The following TRPS1 variants were observed in gnomAD, a reference collection of about 807,000 sequenced individuals.
TRPS1 encodes transcriptional repressor GATA binding 1.
A neutral mutation model predicts 101.2 loss-of-function variants in TRPS1; 6 were observed. The observed-to-expected ratio is 0.06, with a 90% confidence interval of 0.03 to 0.12. The LOEUF is 0.12. Ranked by LOEUF, TRPS1 falls within the 10% of genes least tolerant of loss-of-function variation. The pLI is 1.00. For synonymous variants in TRPS1, 578 were observed against 589.8 expected (o/e 0.98, Z 0.29); for missense variants, 1,363 against 1,567.0 (o/e 0.87, Z 2.20).
intron 1 of TRPS1, among the ~76,000 whole-genome samples, chr8:115,628,539 T>C (rs1041194572): frequency 1.3e-5 from 2 of 151,692 alleles, no homozygotes; most frequent in Non-Finnish European, 3.0e-5. Flanking sequence ...GAAAGCAACT[T>C]CTCATAATAA....
At chr8:115,456,477 T>G (rs1814027945) in intron 5 of TRPS1, among the ~76,000 whole-genome samples, 1 of 152,184 alleles carries the variant, frequency 6.6e-6, no homozygotes, top group Non-Finnish European at 1.5e-5. Context: ...AAGATATATC[T>G]TCTATATATA....
At chr8:115,551,572 G>A (rs1354109167) in intron 5 of TRPS1, among the ~76,000 whole-genome samples, 2 of 152,056 alleles carry the variant, frequency 1.3e-5, no homozygotes, top group African/African-American at 2.4e-5. Context: ...CATGTTTTAC[G>A]TGCAGAGTAT....
intron 1 of TRPS1, among the ~76,000 whole-genome samples, chr8:115,624,111 T>C (rs1037797830): frequency 5.3e-5 from 8 of 150,708 alleles, no homozygotes; most frequent in Non-Finnish European, 1.0e-4. Flanking sequence ...AATGCTTTTA[T>C]AGGGAAAATC....
chr8:115,569,164 G>C (rs916988375), intron 5 of TRPS1, among the ~76,000 whole-genome samples: 3 of 151,874 alleles, frequency 2.0e-5, no homozygotes, highest in African/African-American at 7.2e-5. Context: ...TCCTGACTTT[G>C]ATTATTTTTT....
At chr8:115,451,651 T>C (rs1813875917) in intron 5 of TRPS1, among the ~76,000 whole-genome samples, 1 of 152,206 alleles carries the variant, frequency 6.6e-6, no homozygotes, top group African/African-American at 2.4e-5. Context: ...TGGGTTAACA[T>C]GTCTTTATGC....
chr8:115,619,114 A>G lies in TRPS1; in HGVS notation c.966+18T>C. The G allele has an allele frequency of 6.2e-7, 1 of 1,613,236 alleles. No individual in the cohort carries two copies. Among genetic ancestry groups the G allele is most frequent in the African/African-American group, 1.3e-5 (1 of 74,998 alleles). ...CTAATAACTTTTTCTGTACAAAGAG[A>G]CAATACAAAGTACAAACCTGCACAT... On this transcript the variant is annotated intron_variant, in intron 3 of 6. Transcript: ENST00000395715.
chr8:115,605,328 T>C (rs1376389618), intron 3 of TRPS1, among the ~76,000 whole-genome samples: 1 of 152,252 alleles, frequency 6.6e-6, no homozygotes, highest in Non-Finnish European at 1.5e-5. Flanking sequence ...ATTTTACTAT[T>C]GCCTCCTTCA....
chr8:115,507,925 G>A (rs1272262877), intron 5 of TRPS1, among the ~76,000 whole-genome samples: 1 of 151,930 alleles, frequency 6.6e-6, no homozygotes, highest in Non-Finnish European at 1.5e-5. Flanking sequence ...GTGCAGAGAA[G>A]AGCTAATCTA....
At chr8:115,524,852 C>T (rs759428142) in intron 5 of TRPS1, among the ~76,000 whole-genome samples, 1 of 152,034 alleles carries the variant, frequency 6.6e-6, no homozygotes, top group Admixed American at 6.6e-5. Context: ...TTTTACATAG[C>T]CAATACCAGT....
intron 5 of TRPS1, among the ~76,000 whole-genome samples, chr8:115,531,815 A>G (rs978233084): frequency 6.6e-6 from 1 of 152,186 alleles, no homozygotes; most frequent in Admixed American, 6.5e-5. Context: ...ATCGCTGAGC[A>G]CAAGTGGAGG....
intron 5 of TRPS1, among the ~76,000 whole-genome samples, chr8:115,516,666 A>C (rs926836104): frequency 4.0e-5 from 6 of 151,618 alleles, no homozygotes; most frequent in Non-Finnish European, 5.9e-5. Context: ...ATTTTCATAC[A>C]CATTTTGTCA....
Position 115,415,066 on chromosome 8 carries a change from T to C in TRPS1, c.2842A>G (p.Ile948Val). Residue 948 changes from isoleucine (I) to valine (V), a missense_variant, in exon 7 of 7, where the codon ATC (isoleucine) becomes GTC (valine). Around this residue, in one of 5 missense-constraint regions of TRPS1, gnomAD observed 12 missense variants for 28.0 expected, o/e 0.43. Transcript: ENST00000395715. The part of the protein sequence containing the change: ...KLHSTPRPLN[I>V]IKQNNGEQII... ...TGCTCACCGTTGTTTTGTTTAATGA[T>C]GTTTAAAGGCCTGGGAGTCTGCAGA... The C allele has an allele frequency of 1.3e-6, 2 of 1,596,482 alleles. No individual in the cohort carries two copies. Among genetic ancestry groups the C allele is most frequent in the Non-Finnish European group, 1.7e-6 (2 of 1,175,528 alleles).
At chr8:115,608,853 T>A (rs111682306) in intron 3 of TRPS1, among the ~76,000 whole-genome samples, 2 of 150,108 alleles carry the variant, frequency 1.3e-5, no homozygotes, top group African/African-American at 5.1e-5. Flanking sequence ...ATTTTAAAAA[T>A]TTCTTTTTTA....
intron 5 of TRPS1, among the ~76,000 whole-genome samples, chr8:115,435,447 C>CATGCTAT: frequency 6.6e-6 from 1 of 152,144 alleles, no homozygotes; most frequent in East Asian, 1.9e-4. Flanking sequence ...CCATGAGGCA[C>CATGCTAT]ATGCTATCCC....
At chr8:115,650,321 G>A (rs1187413524) in intron 1 of TRPS1, among the ~76,000 whole-genome samples, 2 of 152,152 alleles carry the variant, frequency 1.3e-5, no homozygotes, top group African/African-American at 4.8e-5. Flanking sequence ...AATTAGCTAA[G>A]GTTTCTAGGA....
chr8:115,588,794 G>C (rs545329720), intron 4 of TRPS1, among the ~76,000 whole-genome samples: 11 of 152,156 alleles, frequency 7.2e-5, no homozygotes, highest in Non-Finnish European at 1.5e-4. Flanking sequence ...GTAAGATACT[G>C]TAAGTTATGT....
chr8:115,478,768 C>A (rs573020448), intron 5 of TRPS1, among the ~76,000 whole-genome samples: 11 of 150,756 alleles, frequency 7.3e-5, no homozygotes, highest in African/African-American at 2.4e-4. Context: ...CACGCCACTG[C>A]ACTCCAGCTT....
chr8:115,572,450 ATTT>A (rs33922136), intron 5 of TRPS1, among the ~76,000 whole-genome samples: 1 of 150,944 alleles, frequency 6.6e-6, no homozygotes, highest in Non-Finnish European at 1.5e-5. Flanking sequence ...ACATTTTGCT[ATTT>A]TTTTTTTGTT....
intron 5 of TRPS1, among the ~76,000 whole-genome samples, chr8:115,447,279 A>C (rs1428709769): frequency 6.6e-6 from 1 of 152,184 alleles, no homozygotes; most frequent in Non-Finnish European, 1.5e-5. Flanking sequence ...CAAGAGACAA[A>C]GCGGAGTTGC....
Sources: gnomAD v4.1 joint callset for allele counts (sites outside exome capture counted in the v4.1 genomes callset) on GRCh38, gnomAD v4.1.1 for gene constraint, gnomAD v4.1.1 regional missense constraint, MANE v1.5 for transcripts, NCBI Gene and HGNC (gene_info 2026-07-23, HGNC 2026-07-21) for gene names.